The following SGCZ variants were observed in gnomAD, a reference collection of about 807,000 sequenced individuals.
SGCZ encodes sarcoglycan zeta, also known as zeta-sarcoglycan.
Under a neutral mutation model 41.3 loss-of-function variants are expected in SGCZ, and 40 were observed. The ratio of observed to expected loss-of-function variants is 0.97; its 90% CI spans 0.75 to 1.26. The LOEUF is 1.26. Ranked by LOEUF, SGCZ falls within the 50% of genes most tolerant of loss-of-function variation. The pLI, the probability that SGCZ is intolerant of heterozygous loss-of-function variation, is 0.00. For missense variants in SGCZ, 552 were observed against 369.8 expected (o/e 1.49, Z -4.04); for synonymous variants, 206 against 137.5 (o/e 1.50, Z -3.49).
intron 2 of SGCZ, among the ~76,000 whole-genome samples, chr8:14,511,223 C>T (rs1311015053): frequency 2.2e-3 from 1 of 464 alleles, no homozygotes; most frequent in African/African-American, 3.3e-3. Context: ...TCTTGGCAGT[C>T]CCTGTAGGGA....
intron 1 of SGCZ, among the ~76,000 whole-genome samples, chr8:14,602,905 G>C (rs1805638059): frequency 6.6e-6 from 1 of 152,170 alleles, no homozygotes; most frequent in African/African-American, 2.4e-5. Flanking sequence ...TATCAACTAA[G>C]GAAATGGAGA....
At chr8:14,480,833 C>T (rs1801515912) in intron 2 of SGCZ, among the ~76,000 whole-genome samples, 1 of 151,890 alleles carries the variant, frequency 6.6e-6, no homozygotes, top group African/African-American at 2.4e-5. Context: ...CTTTAATTAT[C>T]ACAACAAACT....
chr8:14,598,344 G>A (rs920443096), intron 1 of SGCZ, among the ~76,000 whole-genome samples: 2 of 151,072 alleles, frequency 1.3e-5, no homozygotes, highest in East Asian at 3.9e-4. Context: ...TTTATATATT[G>A]TTTACCAACA....
intron 3 of SGCZ, among the ~76,000 whole-genome samples, chr8:14,255,472 T>C (rs993033284): frequency 6.6e-6 from 1 of 152,116 alleles, no homozygotes; most frequent in South Asian, 2.1e-4. Flanking sequence ...TAAAAAAATT[T>C]CTTGAGGATT....
At chr8:14,910,299 T>C (rs754625318) in intron 1 of SGCZ, among the ~76,000 whole-genome samples, 4 of 152,092 alleles carry the variant, frequency 2.6e-5, no homozygotes, top group Non-Finnish European at 5.9e-5. Flanking sequence ...CATTGATATA[T>C]ATTTAGTCAG....
At chr8:14,369,515 C>T (rs1383100643) in intron 2 of SGCZ, among the ~76,000 whole-genome samples, 3 of 151,884 alleles carry the variant, frequency 2.0e-5, no homozygotes, top group Admixed American at 6.6e-5. Flanking sequence ...CTTTTTCATT[C>T]GTAGAAGGCA....
At chr8:14,440,985 G>T (rs956464657) in intron 2 of SGCZ, among the ~76,000 whole-genome samples, 3 of 152,024 alleles carry the variant, frequency 2.0e-5, no homozygotes, top group Non-Finnish European at 2.9e-5. Flanking sequence ...TGAAAAGGGG[G>T]TTTTGTGTGT....
chr8:14,793,172 A>G (rs1012061601), intron 1 of SGCZ, among the ~76,000 whole-genome samples: 10 of 152,210 alleles, frequency 6.6e-5, no homozygotes, highest in Admixed American at 6.5e-4. Context: ...GTCACATGAA[A>G]TTATGTCCAA....
At chr8:14,259,723 A>T (rs1289433587) in intron 3 of SGCZ, among the ~76,000 whole-genome samples, 2 of 149,198 alleles carry the variant, frequency 1.3e-5, no homozygotes, top group African/African-American at 4.9e-5. Context: ...GCCTTGTAGT[A>T]TAGTTTGAAA....
At chr8:14,440,751 GTATACACGTATATGTATA>G in intron 2 of SGCZ, among the ~76,000 whole-genome samples, 1 of 113,644 alleles carries the variant, frequency 8.8e-6, no homozygotes, top group South Asian at 2.8e-4. Flanking sequence ...ATATACATAC[GTATACACGTATATGTATA>G]TATGTATATA....
rs201881681 is a variant in SGCZ, at chr8:14,674,928, GTTT to G, written c.40-120005_40-120003del. Among the ~76,000 whole-genome samples, 11 of 71,008 alleles carry G rather than the reference GTTT, an allele frequency of 1.5e-4. No homozygotes were observed. The East Asian group carries it at 1.9e-3, about 13-fold the overall frequency. 46.6% of individuals were successfully genotyped at this position (71,008 alleles called of 152,430 possible). A position where few individuals can be genotyped will look rare whatever the true frequency, so the allele number is the denominator to read the frequency against. Reference sequence around the variant, plus strand: ...GCCAATTTAACCTCTTTTCTTTTCTGTTTTTTTTTTTTTTTTTTTTTTTTTTTT... The same window carrying G: ...GCCAATTTAACCTCTTTTCTTTTCTGTTTTTTTTTTTTTTTTTTTTTTTTT... On this transcript the variant is annotated intron_variant, in intron 1 of 7. Transcript: ENST00000382080.
intron 1 of SGCZ, among the ~76,000 whole-genome samples, chr8:15,200,867 A>G (rs1406270002): frequency 5.3e-5 from 8 of 152,144 alleles, no homozygotes. Flanking sequence ...CAGAAATAAC[A>G]CTTGCATATC....
At chr8:14,472,669 C>A (rs62499724) in intron 2 of SGCZ, among the ~76,000 whole-genome samples, 8,026 of 152,126 alleles carry the variant, frequency 0.053, 284 homozygotes, top group Non-Finnish European at 0.076. Flanking sequence ...CAAAAGGCAA[C>A]ATGTATTGCC....
chr8:14,621,000 T>TGTG (rs1806265882), intron 1 of SGCZ, among the ~76,000 whole-genome samples: 2 of 152,128 alleles, frequency 1.3e-5, no homozygotes, highest in Non-Finnish European at 2.9e-5. Context: ...ATATGTTTAT[T>TGTG]GCAGCGCTAT....
chr8:15,115,045 C>G (rs560777721), intron 1 of SGCZ, among the ~76,000 whole-genome samples: 77 of 152,240 alleles, frequency 5.1e-4, no homozygotes, highest in African/African-American at 1.8e-3. Context: ...ACTCTCAAAT[C>G]TAAGAGTGTG....
Position 14,162,602 on chromosome 8 carries a change from G to T in SGCZ, c.547+1978C>A, listed in dbSNP as rs1804079964. ...ACTCAGGACTCAAGAAGGTCAATCTGTACCCTCCGTACGTGCCTCCTTTCC... is the reference window on the plus strand; with the variant it reads ...ACTCAGGACTCAAGAAGGTCAATCTTTACCCTCCGTACGTGCCTCCTTTCC... On this transcript the variant is annotated intron_variant, in intron 5 of 7. Transcript: ENST00000382080. 2.0e-5 allele frequency: 3 copies of T among 152,370 alleles called. No homozygotes were observed. In the South Asian group the frequency reaches 6.2e-4, roughly 32 times the overall value. 9.4% of individuals were successfully genotyped at this position (152,370 alleles called of 1,614,324 possible). A position where few individuals can be genotyped will look rare whatever the true frequency, so the allele number is the denominator to read the frequency against.
At chr8:14,930,597 C>T (rs1014739710) in intron 1 of SGCZ, among the ~76,000 whole-genome samples, 3 of 151,942 alleles carry the variant, frequency 2.0e-5, no homozygotes, top group African/African-American at 7.3e-5. Context: ...AAATGCCCAC[C>T]AATGATAGAC....
chr8:15,028,506 C>T (rs1228786587), intron 1 of SGCZ, among the ~76,000 whole-genome samples: 3 of 148,156 alleles, frequency 2.0e-5, no homozygotes, highest in South Asian at 2.1e-4. Flanking sequence ...GGAACACTAT[C>T]GTCTTTCTAA....
chr8:15,090,846 G>A (rs533468061), intron 1 of SGCZ, among the ~76,000 whole-genome samples: 12 of 152,208 alleles, frequency 7.9e-5, no homozygotes, highest in South Asian at 2.1e-4. Context: ...TAATCTAAGC[G>A]GCTAGAAAAT....
Sources: allele counts gnomAD v4.1 joint callset (sites outside exome capture counted in the v4.1 genomes callset), GRCh38; gene constraint gnomAD v4.1.1; transcripts MANE v1.5; gene names NCBI Gene and HGNC (gene_info 2026-07-23, HGNC 2026-07-21).